Variants in ZFP90 observed in about 807,000 individuals in gnomAD.
ZFP90 encodes the protein ZFP90 zinc finger protein.
ZFP90 carries 38 observed loss-of-function variants against 60.8 expected under a neutral mutation model. The ratio of observed to expected loss-of-function variants is 0.62; its 90% CI spans 0.48 to 0.82. ZFP90 has a LOEUF of 0.82. ZFP90 is among the 40% of genes least tolerant of loss of function. The probability of loss-of-function intolerance (pLI) is 0.00; values close to 1 mark genes in which losing one functional copy is unlikely to be tolerated. For missense variants in ZFP90, 711 were observed against 759.1 expected (o/e 0.94, Z 0.74); for synonymous variants, 287 against 264.8 (o/e 1.08, Z -0.82).
intron 2 of ZFP90, among the ~76,000 whole-genome samples, chr16:68,547,654 GTTGT>G (rs1367821812): frequency 2.0e-5 from 3 of 151,718 alleles, no homozygotes; most frequent in African/African-American, 7.3e-5. Flanking sequence ...TATTTTTGTT[GTTGT>G]TTAAAATCAG....
intron 2 of ZFP90, among the ~76,000 whole-genome samples, chr16:68,541,587 G>T (rs937159952): frequency 6.6e-6 from 1 of 152,038 alleles, no homozygotes; most frequent in East Asian, 1.9e-4. Context: ...GTGAGCCACC[G>T]GGCCCGGCCT....
downstream of ZFP90, among the ~76,000 whole-genome samples, chr16:68,569,432 G>C (rs1631910): frequency 6.6e-6 from 1 of 152,188 alleles, no homozygotes; most frequent in Admixed American, 6.5e-5. Context: ...AGTGCGCCCA[G>C]CTGATTAGTC....
At chr16:68,541,965 C>T (rs1378117117) in intron 2 of ZFP90, among the ~76,000 whole-genome samples, 2 of 152,134 alleles carry the variant, frequency 1.3e-5, no homozygotes, top group African/African-American at 4.8e-5. Context: ...CTGATGATGT[C>T]CATGTGGGTT....
rs150353316 is a variant in ZFP90, at chr16:68,553,538, A to G, written c.34-4460A>G. Reference sequence around the variant, plus strand: ...TTGTGAAGTGCCTATAGGCGGCCATAAAGACTTTGACTTTACTTGAAATGA... The same window carrying G: ...TTGTGAAGTGCCTATAGGCGGCCATGAAGACTTTGACTTTACTTGAAATGA... On this transcript the variant is annotated intron_variant, in intron 2 of 4. Coordinates refer to ENST00000563169, the MANE Select transcript of ZFP90 (RefSeq NM_001305203.2). Among the ~76,000 whole-genome samples the G allele has an allele frequency of 6.2e-3, 942 of 152,314 alleles. 7 individuals carry two copies. The highest frequency in any genetic ancestry group is 0.011 in the Non-Finnish European group (725 of 68,032).
chr16:68,540,028 C>T (rs1451203332), intron 2 of ZFP90, among the ~76,000 whole-genome samples: 2 of 152,158 alleles, frequency 1.3e-5, no homozygotes, highest in African/African-American at 4.8e-5. Flanking sequence ...TAGAGAGGGC[C>T]AGTGTGGTGC....
At position 68,566,831 on chromosome 16, in the gene ZFP90, CAACT is replaced by C. The variant is rs2152077071; in HGVS notation, c.*2134_*2137del. Reference sequence around the variant, plus strand: ...TTTCAGGAATGGCATGAATTGTAACCAACTGAGTGCTGCCCCCACTGTTACGGAA... The same window carrying C: ...TTTCAGGAATGGCATGAATTGTAACCGAGTGCTGCCCCCACTGTTACGGAA... On this transcript the variant is annotated 3_prime_UTR_variant, in exon 5 of 5. Transcript: ENST00000563169. 2.0e-6 allele frequency: 2 copies of C among 985,536 alleles called. No homozygotes were observed. The highest frequency in any genetic ancestry group is 1.7e-5 in the African/African-American group (1 of 57,336). 61.0% of individuals were successfully genotyped at this position (985,536 alleles called of 1,614,324 possible).
chr16:68,546,803 C>T (rs559543413), intron 2 of ZFP90, among the ~76,000 whole-genome samples: 177 of 152,346 alleles, frequency 1.2e-3, no homozygotes, highest in Admixed American at 2.6e-3. Flanking sequence ...TGAGCCACCA[C>T]GTCTGGCCAA....
intron 2 of ZFP90, among the ~76,000 whole-genome samples, chr16:68,573,450 C>G (rs147793354): frequency 9.9e-5 from 15 of 152,164 alleles, no homozygotes; most frequent in Non-Finnish European, 1.9e-4. Context: ...TGCACCCCAG[C>G]CTGGGTGACA....
chr16:68,538,020 C>A (rs2090975264), upstream of ZFP90, among the ~76,000 whole-genome samples: 1 of 152,100 alleles, frequency 6.6e-6, no homozygotes, highest in African/African-American at 2.4e-5. Context: ...TCAAGCGATT[C>A]TCCTGCCTCA....
At chr16:68,553,712 G>A (rs367994619) in intron 2 of ZFP90, among the ~76,000 whole-genome samples, 29 of 152,210 alleles carry the variant, frequency 1.9e-4, no homozygotes, top group African/African-American at 6.5e-4. Context: ...TTGAACTCCC[G>A]GGCTCAAGCA....
In ZFP90 at chr16:68,564,579, GATC is replaced by G; in HGVS notation, c.1797_1799del (p.His599del). On this transcript the variant is annotated inframe_deletion, in exon 5 of 5. Coordinates refer to ENST00000563169, the MANE Select transcript of ZFP90 (RefSeq NM_001305203.2). ...CTTCCGAAAAAAAACCAACCTGCAT[GATC>G]ATCAGAGAATTCATACTGGAGAAAA... 1 of 1,614,030 alleles carries G rather than the reference GATC, an allele frequency of 6.2e-7. No individual in the cohort carries two copies. Among genetic ancestry groups the G allele is most frequent in the Non-Finnish European group, 8.5e-7 (1 of 1,179,956 alleles).
chr16:68,544,775 G>T (rs1440657083), intron 2 of ZFP90, among the ~76,000 whole-genome samples: 1 of 151,884 alleles, frequency 6.6e-6, no homozygotes, highest in Non-Finnish European at 1.5e-5. Context: ...GAGCTGACAG[G>T]AGGTGGTCTC....
rs1170443 is a variant in ZFP90, at chr16:68,539,392, G to C, written c.-123G>C. ...CAGATCAGAATTGGAGATAACCGAGGCTTCGGCGGGGGCGGGAGGAGCTGC... is the reference window on the plus strand; with the variant it reads ...CAGATCAGAATTGGAGATAACCGAGCCTTCGGCGGGGGCGGGAGGAGCTGC... On this transcript the variant is annotated 5_prime_UTR_variant, in exon 1 of 5. Coordinates refer to ENST00000563169, the MANE Select transcript of ZFP90 (RefSeq NM_001305203.2). 200,505 of 261,608 alleles carry C rather than the reference G, an allele frequency of 0.77. 77,159 individuals are homozygous for C. Among genetic ancestry groups the C allele is most frequent in the East Asian group, 0.81 (11,557 of 14,272 alleles). The allele number at this position is 261,608 out of a possible 1,614,324, so 16.2% of individuals were successfully genotyped here.
chr16:68,535,623 C>G (rs1281657092), upstream of ZFP90: 1 of 152,052 alleles, frequency 6.6e-6, no homozygotes, highest in Non-Finnish European at 1.5e-5. Flanking sequence ...CTATACTAGG[C>G]ATTGGCAATT....
chr16:68,558,590 A>AT (rs1170637766), intron 4 of ZFP90, 22 bp downstream of exon 4: 3 of 1,602,048 alleles, frequency 1.9e-6, no homozygotes, highest in South Asian at 1.1e-5. Context: ...AGAGTCAGGC[A>AT]TTAGGAATGA....
Position 68,564,149 on chromosome 16 carries a change from CTG to C in ZFP90, c.1365_1366del (p.Cys455TrpfsTer5). The stretch of plus-strand genomic sequence containing the variant: ...AAGTGAAATCCTACCATTGTAATGA[CTG>C]TGGGGAAGACTTTAGTCACATTACA... ...TEVKSYHCND[C>X]GEDFSHITDF... On this transcript the variant is annotated frameshift_variant, in exon 5 of 5. Transcript: ENST00000563169. LOFTEE classifies it high-confidence loss of function. 2 of 1,614,162 alleles carry C rather than the reference CTG, an allele frequency of 1.2e-6. No homozygotes were observed. Among genetic ancestry groups the C allele is most frequent in the Non-Finnish European group, 1.7e-6 (2 of 1,180,018 alleles).
chr16:68,538,528 C>T (rs1470131665), upstream of ZFP90, among the ~76,000 whole-genome samples: 1 of 152,040 alleles, frequency 6.6e-6, no homozygotes, highest in Non-Finnish European at 1.5e-5. Flanking sequence ...ATGGAGAAAA[C>T]CTGTCTCTAC....
chr16:68,567,445 T>C (rs2091544076), downstream of ZFP90, among the ~76,000 whole-genome samples: 1 of 152,088 alleles, frequency 6.6e-6, no homozygotes, highest in Non-Finnish European at 1.5e-5. Context: ...TCACTGATAG[T>C]TTTAGGGGCA....
chr16:68,548,673 A>G (rs943661704), intron 2 of ZFP90, among the ~76,000 whole-genome samples: 1 of 151,752 alleles, frequency 6.6e-6, no homozygotes, highest in Non-Finnish European at 1.5e-5. Flanking sequence ...TATTTTTAGT[A>G]GAGATGGGGT....
Sources: allele counts gnomAD v4.1 joint callset (sites outside exome capture counted in the v4.1 genomes callset), GRCh38; gene constraint gnomAD v4.1.1; transcripts MANE v1.5; gene names NCBI Gene and HGNC (gene_info 2026-07-23, HGNC 2026-07-21).